Variants in ESPNL observed in about 807,000 individuals in gnomAD.
ESPNL encodes the protein espin-like protein.
In ESPNL, 49 loss-of-function variants were observed where a neutral mutation model predicts 46.8. The ratio of observed to expected loss-of-function variants is 1.05; its 90% confidence interval spans 0.83 to 1.33. The LOEUF is 1.33. ESPNL is among the 40% of genes most tolerant of loss of function. The pLI, the probability that ESPNL is intolerant of heterozygous loss-of-function variation, is 0.00. For synonymous variants in ESPNL, 664 were observed against 662.1 expected, an observed-to-expected ratio of 1.00 and a Z score of -0.04; for missense variants, 1,540 against 1,436.6, an observed-to-expected ratio of 1.07 and a Z score of -1.16.
intron 5 of ESPNL, among the ~76,000 whole-genome samples, chr2:238,121,002 G>C (rs527728881): frequency 6.6e-6 from 1 of 152,330 alleles, no homozygotes; most frequent in Admixed American, 6.5e-5. Flanking sequence ...GGACAGGAGT[G>C]CTGAGACCTG....
chr2:238,129,025 C>A (rs949682643), intron 8 of ESPNL, 121 bp downstream of exon 8: 55 of 1,438,938 alleles, frequency 3.8e-5, no homozygotes, highest in Non-Finnish European at 4.8e-5. Context: ...CCCCTCTCCT[C>A]TGTGGCCTCA....
rs1435542297 is a variant in ESPNL, at chr2:238,130,227, G to A, written c.1513G>A (p.Asp505Asn). The change falls in exon 9 of 9, where the codon GAT (aspartate) becomes AAT (asparagine). Residue 505 changes from aspartate (D) to asparagine (N), a missense_variant. Transcript: ENST00000343063. The stretch of plus-strand genomic sequence containing the variant: ...GCCCTTTGGGGAGCTGCTGACAGAG[G>A]ATGACCTGGTCTACCTGGAGAAGCA... ...LGPFGELLTEDDLVYLEKQIA... is the reference protein window; with the variant it reads ...LGPFGELLTENDLVYLEKQIA... 3 of 1,611,704 alleles carry A rather than the reference G, an allele frequency of 1.9e-6. No individual in the cohort carries two copies. The highest frequency in any genetic ancestry group is 1.6e-4 in the Middle Eastern group (1 of 6,062).
chr2:238,126,981 GTGTCTATC>G (rs1226013976), intron 6 of ESPNL, among the ~76,000 whole-genome samples: 2 of 148,228 alleles, frequency 1.3e-5, no homozygotes, highest in Non-Finnish European at 3.0e-5. Context: ...GTGTGTGATT[GTGTCTATC>G]TGTGTGTGAT....
intron 6 of ESPNL, among the ~76,000 whole-genome samples, chr2:238,126,961 CTGTG>C (rs553913881): frequency 0.04 from 2,150 of 53,418 alleles, 24 homozygotes; most frequent in Middle Eastern, 0.071. Context: ...TATTGTGTGT[CTGTG>C]TGTATGTGTG....
intron 4 of ESPNL, among the ~76,000 whole-genome samples, chr2:238,108,371 C>T (rs1691646147): frequency 6.6e-6 from 1 of 151,892 alleles, no homozygotes; most frequent in African/African-American, 2.4e-5. Flanking sequence ...GCTCACATGG[C>T]CCAGCCTCAA....
rs1229549488 is a variant in ESPNL, at chr2:238,126,214, GATTGTGTC to G, written c.1102+831_1102+838del. 1.5e-3 allele frequency among the ~76,000 whole-genome samples: 72 copies of G among 47,208 alleles called. 1 individual carries two copies. In the East Asian group the frequency reaches 0.039, roughly 26 times the overall value. 31.0% of individuals were successfully genotyped at this position (47,208 alleles called of 152,430 possible). On this transcript the variant is annotated intron_variant, in intron 6 of 8. Coordinates refer to ENST00000343063, the MANE Select transcript of ESPNL (RefSeq NM_194312.4). ...CGTGTCTGTGATTGTGTCTCTCTGT[GATTGTGTC>G]TGTGTCTGTATTGTATGTATGTGTA...
At chr2:238,123,623 G>GGCCTTCAAATATTCATGTGAC (rs1384029639) in intron 5 of ESPNL, among the ~76,000 whole-genome samples, 1 of 152,134 alleles carries the variant, frequency 6.6e-6, no homozygotes, top group Non-Finnish European at 1.5e-5. Context: ...CTGACACCTC[G>GGCCTTCAAATATTCATGTGAC]GCCTTCAAAT....
At chr2:238,117,549 C>T (rs1235792675) in intron 5 of ESPNL, among the ~76,000 whole-genome samples, 3 of 152,220 alleles carry the variant, frequency 2.0e-5, no homozygotes, top group South Asian at 4.1e-4. Context: ...CAGAGGTGAT[C>T]GCAAGGCGGC....
chr2:238,128,581 CCTCCT>C, intron 7 of ESPNL, 121 bp from the exon 8 acceptor site: 1 of 832,112 alleles, frequency 1.2e-6, no homozygotes, highest in South Asian at 1.7e-5. Context: ...CCCCACTGTC[CCTCCT>C]CTCAGGGCGC....
chr2:238,131,643 T>G lies in ESPNL; in HGVS notation c.2929T>G (p.Phe977Val). ...RLGSRSQQGS[F>V]NGEDICGYIN... is the part of the protein sequence containing the mutation. The stretch of plus-strand genomic sequence containing the variant: ...GGGGTCCCGCTCCCAGCAGGGCAGC[T>G]TCAACGGTGAGGACATCTGCGGCTA... Residue 977 changes from phenylalanine (F) to valine (V), a missense_variant, in exon 9 of 9, where the codon TTC becomes GTC. Transcript: ENST00000343063. The G allele has an allele frequency of 6.2e-7, 1 of 1,610,350 alleles. No individual in the cohort carries two copies. Among genetic ancestry groups the G allele is most frequent in the Non-Finnish European group, 8.5e-7 (1 of 1,177,920 alleles).
intron 5 of ESPNL, among the ~76,000 whole-genome samples, chr2:238,121,106 C>T (rs1375296106): frequency 6.6e-6 from 1 of 152,154 alleles, no homozygotes; most frequent in East Asian, 1.9e-4. Context: ...GGAAGGCCAG[C>T]CCTGACCCTC....
At chr2:238,118,887 A>G (rs537833853) in intron 5 of ESPNL, among the ~76,000 whole-genome samples, 2 of 124,364 alleles carry the variant, frequency 1.6e-5, no homozygotes, top group African/African-American at 3.1e-5. Flanking sequence ...GAAATGGATG[A>G]AAGAGTTGGA....
At chr2:238,108,875 C>T (rs372365908) in intron 4 of ESPNL, among the ~76,000 whole-genome samples, 4 of 152,218 alleles carry the variant, frequency 2.6e-5, no homozygotes, top group African/African-American at 4.8e-5. Context: ...GCAGAGCCAT[C>T]GGAAGGCACC....
chr2:238,112,383 G>A (rs985840691), intron 4 of ESPNL, among the ~76,000 whole-genome samples: 1 of 151,756 alleles, frequency 6.6e-6, no homozygotes, highest in East Asian at 1.9e-4. Flanking sequence ...TCCTGATATT[G>A]GGTATTTTTG....
In ESPNL at chr2:238,131,874, C is replaced by A; in HGVS notation, c.*142C>A. ...CTACCAGTTATCGGAGGCTGCGGGACTGTTCTGTTGTGGCATGGTTCTCCT... is the reference window on the plus strand; with the variant it reads ...CTACCAGTTATCGGAGGCTGCGGGAATGTTCTGTTGTGGCATGGTTCTCCT... On this transcript the variant is annotated 3_prime_UTR_variant, in exon 9 of 9. Transcript: ENST00000343063. 1 of 896,344 alleles carries A rather than the reference C, an allele frequency of 1.1e-6. No homozygotes were observed. The highest frequency in any genetic ancestry group is 1.7e-6 in the Non-Finnish European group (1 of 585,294). 55.5% of individuals were successfully genotyped at this position (896,344 alleles called of 1,614,324 possible). A position where few individuals can be genotyped will look rare whatever the true frequency, so the allele number is the denominator to read the frequency against.
At chr2:238,116,420 C>T (rs947110512) in intron 4 of ESPNL, among the ~76,000 whole-genome samples, 8 of 152,298 alleles carry the variant, frequency 5.3e-5, no homozygotes, top group African/African-American at 1.9e-4. Flanking sequence ...GTGCTCCAGG[C>T]ACTAGGGGGG....
intron 3 of ESPNL, among the ~76,000 whole-genome samples, 162 bp downstream of exon 3, chr2:238,105,004 C>T (rs1413810980): frequency 2.0e-5 from 3 of 152,142 alleles, no homozygotes; most frequent in Non-Finnish European, 2.9e-5. Context: ...TCTGCAGCTC[C>T]GGCCAGGCTG....
rs1399197125 is a variant in ESPNL, at chr2:238,102,131, G to T, written c.485G>T (p.Ser162Ile). 6.5e-7 allele frequency: 1 copy of T among 1,533,954 alleles called. No individual in the cohort carries two copies. Among genetic ancestry groups the T allele is most frequent in the South Asian group, 1.2e-5 (1 of 82,634 alleles). The change falls in exon 2 of 9, where the codon AGC becomes ATC. Residue 162 changes from serine (S) to isoleucine (I), a missense_variant and splice_region_variant. By Grantham distance (142) the Ser-to-Ile change is moderately radical. Coordinates refer to ENST00000343063, the MANE Select transcript of ESPNL (RefSeq NM_194312.4). ...CLKLLTAAHGSSVNRRTRSGA... is the reference protein window; with the variant it reads ...CLKLLTAAHGISVNRRTRSGA... ...AAGCTCCTGACAGCCGCGCATGGCA[G>T]GTAAGGAGCCCAAAGTCCCGCCTGG...
chr2:238,120,767 G>C (rs1422314481), intron 5 of ESPNL, among the ~76,000 whole-genome samples: 2 of 152,234 alleles, frequency 1.3e-5, no homozygotes, highest in Non-Finnish European at 2.9e-5. Flanking sequence ...CCCTCTTCAG[G>C]CCTCTGAGGG....
Sources: gnomAD v4.1 joint callset for allele counts (sites outside exome capture counted in the v4.1 genomes callset) on GRCh38, gnomAD v4.1.1 for gene constraint, MANE v1.5 for transcripts, NCBI Gene and HGNC (gene_info 2026-07-23, HGNC 2026-07-21) for gene names.